ARPP21: variants seen among roughly 807,000 people sequenced by gnomAD.
ARPP21 encodes the protein cAMP-regulated phosphoprotein 21.
In ARPP21, 69 loss-of-function variants were observed where a neutral mutation model predicts 113.2. That is an observed-to-expected ratio of 0.61 (90% confidence interval 0.50 to 0.74). The LOEUF (loss-of-function observed/expected upper bound fraction) is 0.74. Ranked by LOEUF, ARPP21 falls within the 30% of genes least tolerant of loss-of-function variation. The probability of loss-of-function intolerance (pLI) is 0.00; values close to 1 mark genes in which losing one functional copy is unlikely to be tolerated. For synonymous variants in ARPP21, 368 were observed against 375.5 expected (o/e 0.98, Z 0.23); for missense variants, 1,070 against 1,037.4 (o/e 1.03, Z -0.43).
At chr3:35,761,279 G>A (rs2095765407) in intron 19 of ARPP21, among the ~76,000 whole-genome samples, 2 of 152,166 alleles carry the variant, frequency 1.3e-5, no homozygotes, top group South Asian at 4.1e-4. Flanking sequence ...ATTTGGAGAT[G>A]ATTAAAACTA....
At chr3:35,789,691 G>A (rs2096708092) in intron 19 of ARPP21, among the ~76,000 whole-genome samples, 1 of 152,218 alleles carries the variant, frequency 6.6e-6, no homozygotes, top group Admixed American at 6.5e-5. Flanking sequence ...CAGGGCAGCT[G>A]CATCTGGGCT....
At chr3:35,776,989 A>G (rs1216912999) in intron 19 of ARPP21, among the ~76,000 whole-genome samples, 1 of 152,182 alleles carries the variant, frequency 6.6e-6, no homozygotes, top group Non-Finnish European at 1.5e-5. Context: ...TCTATAATCC[A>G]AAGGCAGAAA....
chr3:35,703,726 C>T (rs192125030), intron 9 of ARPP21, among the ~76,000 whole-genome samples: 9 of 151,814 alleles, frequency 5.9e-5, no homozygotes, highest in Admixed American at 5.9e-4. Flanking sequence ...TAAATACCAC[C>T]ACCTTTTGCA....
intron 9 of ARPP21, among the ~76,000 whole-genome samples, chr3:35,691,689 A>G (rs1388238704): frequency 2.0e-5 from 3 of 151,616 alleles, no homozygotes; most frequent in Non-Finnish European, 4.4e-5. Flanking sequence ...CAAAAGCATA[A>G]TAACATGAGT....
intron 18 of ARPP21, 132 bp downstream of exon 18, chr3:35,739,709 C>T: frequency 8.1e-7 from 1 of 1,227,490 alleles, no homozygotes; most frequent in Non-Finnish European, 1.1e-6. Context: ...TCCTCACCAA[C>T]AGGAAGTAGT....
At position 35,705,171 on chromosome 3, in the gene ARPP21, T is replaced by C. The variant is rs553212997; in HGVS notation, c.687-1803T>C. Among the ~76,000 whole-genome samples the C allele has an allele frequency of 8.5e-4, 129 of 152,172 alleles. 1 individual carries two copies. Among genetic ancestry groups the C allele is most frequent in the African/African-American group, 2.8e-3 (116 of 41,526 alleles). ...ATCAACATCTGTATTTAAGTCAGCA[T>C]CCTAATTTCACTTGCTATGGAAAAA... On this transcript the variant is annotated intron_variant, in intron 9 of 20. Transcript: ENST00000684406.
chr3:35,664,684 C>A (rs1275048511), intron 1 of ARPP21, among the ~76,000 whole-genome samples: 1 of 152,100 alleles, frequency 6.6e-6, no homozygotes, highest in East Asian at 1.9e-4. Context: ...CAGGTGGCGG[C>A]GGGGGCTGTG....
chr3:35,706,018 T>G (rs2088856390), intron 9 of ARPP21, among the ~76,000 whole-genome samples: 1 of 152,196 alleles, frequency 6.6e-6, no homozygotes, highest in Non-Finnish European at 1.5e-5. Flanking sequence ...CAACAGACAC[T>G]GTGAGTGGCT....
At chr3:35,663,501 C>T (rs762529446) in intron 1 of ARPP21, among the ~76,000 whole-genome samples, 13 of 152,138 alleles carry the variant, frequency 8.5e-5, no homozygotes, top group Non-Finnish European at 1.6e-4. Flanking sequence ...GTGTAACAAA[C>T]CCCCATGTAT....
intron 5 of ARPP21, among the ~76,000 whole-genome samples, chr3:35,686,489 A>G (rs974563206): frequency 6.6e-6 from 1 of 151,646 alleles, no homozygotes; most frequent in African/African-American, 2.4e-5. Flanking sequence ...TTCACAGTGG[A>G]GCCCCTTCCA....
intron 19 of ARPP21, among the ~76,000 whole-genome samples, chr3:35,756,349 T>A (rs1343481257): frequency 6.6e-6 from 1 of 152,130 alleles, no homozygotes; most frequent in Admixed American, 6.6e-5. Flanking sequence ...GTTCACTAGT[T>A]GGTTCAGTAG....
intron 19 of ARPP21, among the ~76,000 whole-genome samples, chr3:35,777,292 G>A (rs754220163): frequency 7.9e-5 from 12 of 152,134 alleles, no homozygotes; most frequent in East Asian, 1.9e-4. Flanking sequence ...AGCAAGTCAC[G>A]TTACCTGATA....
chr3:35,691,404 T>A (rs2149648018), intron 9 of ARPP21, among the ~76,000 whole-genome samples: 1 of 151,802 alleles, frequency 6.6e-6, no homozygotes, highest in African/African-American at 2.4e-5. Context: ...TCTGCTTTTT[T>A]AGACATCTAT....
At chr3:35,743,615 C>T (rs1037956949) in intron 18 of ARPP21, among the ~76,000 whole-genome samples, 2 of 152,070 alleles carry the variant, frequency 1.3e-5, no homozygotes, top group East Asian at 1.9e-4. Context: ...TGCCTCATGG[C>T]GTTGGTAAAA....
rs756746043 is a variant in ARPP21 at position 35,739,355 on chromosome 3, G to A, written c.1788G>A (p.Leu596=). The change falls in exon 18 of 21, where the codon CTG becomes CTA. Residue 596 remains leucine (L), a synonymous_variant. Transcript: ENST00000684406. The stretch of plus-strand genomic sequence containing the variant: ...CAACACAGTTTGGCCAGATGACCCT[G>A]AGCCGGCAGTCCTCGGGGGAGACTC... The part of the protein sequence containing the change: ...DVATQFGQMT[L]SRQSSGETPE... 1 of 1,614,124 alleles carries A rather than the reference G, an allele frequency of 6.2e-7. No homozygotes were observed. The highest frequency in any genetic ancestry group is 8.5e-7 in the Non-Finnish European group (1 of 1,180,026).
intron 1 of ARPP21, among the ~76,000 whole-genome samples, chr3:35,665,816 G>A (rs777107931): frequency 6.6e-5 from 10 of 152,178 alleles, no homozygotes; most frequent in South Asian, 4.1e-4. Context: ...TCCAGTCATC[G>A]TTGTAATGCT....
intron 3 of ARPP21, among the ~76,000 whole-genome samples, chr3:35,682,217 A>T (rs1382227793): frequency 6.6e-6 from 1 of 151,844 alleles, no homozygotes; most frequent in Non-Finnish European, 1.5e-5. Flanking sequence ...TGAATTTGCT[A>T]TTCTGTGGAA....
chr3:35,718,115 T>C (rs1339536225), intron 13 of ARPP21, among the ~76,000 whole-genome samples: 1 of 152,126 alleles, frequency 6.6e-6, no homozygotes, highest in Admixed American at 6.6e-5. Context: ...ACAACAAAAC[T>C]CTTATCCACT....
Position 35,687,676 on chromosome 3 carries a change from A to G in ARPP21, c.262-63A>G, listed in dbSNP as rs371834545. 4.0e-6 allele frequency: 6 copies of G among 1,486,586 alleles called. No homozygotes were observed. In the African/African-American group the frequency reaches 8.6e-5, roughly 21 times the overall value. The allele number at this position is 1,486,586 out of a possible 1,614,324, so 92.1% of individuals were successfully genotyped here. A position where few individuals can be genotyped will look rare whatever the true frequency, so the allele number is the denominator to read the frequency against. On this transcript the variant is annotated intron_variant, in intron 5 of 20. Transcript: ENST00000684406. ...TTCTATACTTTATAACCTCTATGCA[A>G]AATGGGAGCCAGACAGAGATGATTA... is the stretch of plus-strand genomic sequence containing the variant.
Sources: gnomAD v4.1 joint callset for allele counts (sites outside exome capture counted in the v4.1 genomes callset) on GRCh38, gnomAD v4.1.1 for gene constraint, MANE v1.5 for transcripts, NCBI Gene and HGNC (gene_info 2026-07-23, HGNC 2026-07-21) for gene names.